MTFR1: variants seen among roughly 807,000 people sequenced by gnomAD.
MTFR1 encodes the protein chondrocyte protein with a poly-proline region.
MTFR1 carries 28 observed loss-of-function variants against 38.8 expected under a neutral mutation model. The observed-to-expected ratio is 0.72, with a 90% CI of 0.53 to 0.99. The LOEUF is 0.99. Ranked by LOEUF, MTFR1 falls within the 50% of genes least tolerant of loss-of-function variation. The probability of loss-of-function intolerance (pLI) is 0.00; values close to 1 mark genes in which losing one functional copy is unlikely to be tolerated. For synonymous variants in MTFR1, 145 were observed against 137.0 expected, an observed-to-expected ratio of 1.06 and a Z score of -0.41; for missense variants, 358 against 395.5, an observed-to-expected ratio of 0.91 and a Z score of 0.81.
rs1253277326 is a variant in MTFR1, at chr8:65,707,985, T to A, written c.907T>A (p.Ser303Thr). Residue 303 changes from serine to threonine, a missense_variant, in exon 7 of 8, where the codon TCA becomes ACA. Coordinates refer to ENST00000262146, the MANE Select transcript of MTFR1 (RefSeq NM_014637.4). ...EVEKGIPKSESEATSERVLFG... is the reference protein window; with the variant it reads ...EVEKGIPKSETEATSERVLFG... The stretch of plus-strand genomic sequence containing the variant: ...TGAAAAAGGAATTCCAAAGTCTGAA[T>A]CAGAGGCCACCTCAGAGAGAGTGTT... 1 of 1,613,122 alleles carries A rather than the reference T, an allele frequency of 6.2e-7. No individual in the cohort carries two copies. Among genetic ancestry groups the A allele is most frequent in the Admixed American group, 1.7e-5 (1 of 60,024 alleles).
downstream of MTFR1, among the ~76,000 whole-genome samples, chr8:65,713,658 T>C (rs1806022527): frequency 6.6e-6 from 1 of 152,136 alleles, no homozygotes; most frequent in African/African-American, 2.4e-5. Context: ...AGAATCAAAT[T>C]TGAAGGCTAA....
At chr8:65,774,019 A>G (rs1484317994), downstream of MTFR1, among the ~76,000 whole-genome samples, 3 of 152,156 alleles carry the variant, frequency 2.0e-5, no homozygotes, top group Non-Finnish European at 2.9e-5. Flanking sequence ...ATACCAAAAC[A>G]TACTTTTACT....
chr8:65,692,495 G>A (rs1290486049), intron 3 of MTFR1, among the ~76,000 whole-genome samples: 1 of 151,992 alleles, frequency 6.6e-6, no homozygotes, highest in Non-Finnish European at 1.5e-5. Flanking sequence ...GTGCTACCAC[G>A]CCTGGCTAAT....
downstream of MTFR1, among the ~76,000 whole-genome samples, chr8:65,715,128 T>G (rs556680878): frequency 1.5e-3 from 230 of 152,304 alleles, no homozygotes; most frequent in Middle Eastern, 3.4e-3. Context: ...AAAATAAATT[T>G]TGCATTCTGT....
exon 4 of MTFR1, chr8:65,771,235 A>G (rs1016961250): frequency 6.5e-6 from 1 of 154,530 alleles, no homozygotes; most frequent in Non-Finnish European, 1.4e-5. Flanking sequence ...GCTTATAATA[A>G]ACTGTACATA....
At chr8:65,666,363 G>A (rs1471695302) in intron 1 of MTFR1, among the ~76,000 whole-genome samples, 9 of 152,318 alleles carry the variant, frequency 5.9e-5, no homozygotes, top group Admixed American at 3.3e-4. Context: ...CTGAGATCGC[G>A]CCACTGCAGT....
chr8:65,743,143 G>A (rs1332424217), intron 3 of MTFR1, among the ~76,000 whole-genome samples: 1 of 152,184 alleles, frequency 6.6e-6, no homozygotes, highest in Admixed American at 6.5e-5. Flanking sequence ...TTTATGTAAG[G>A]CTAAACCTTG....
At chr8:65,728,828 A>G (rs754477572) in intron 3 of MTFR1, among the ~76,000 whole-genome samples, 1 of 152,258 alleles carries the variant, frequency 6.6e-6, no homozygotes, top group Non-Finnish European at 1.5e-5. Flanking sequence ...AAATTAATGT[A>G]TGACTGCACA....
chr8:65,729,494 A>G (rs539843271), intron 3 of MTFR1, among the ~76,000 whole-genome samples: 2 of 150,732 alleles, frequency 1.3e-5, no homozygotes, highest in African/African-American at 4.9e-5. Flanking sequence ...CATGGAGGAG[A>G]GCAGTTTAGT....
chr8:65,760,890 T>C lies in MTFR1; in HGVS notation c.*49-10057T>C, dbSNP rs527428188. On this transcript the variant is annotated intron_variant, in intron 3 of 3. Coordinates refer to the MTFR1 transcript ENST00000521247. ...AGAGGCCACTACAGAGAGGAAAGGA[T>C]ATCAAGCTGAATAATTAACATCATT... Among the ~76,000 whole-genome samples, 12 of 151,716 alleles carry C rather than the reference T, an allele frequency of 7.9e-5. No homozygotes were observed. The East Asian group carries it at 2.1e-3, about 27-fold the overall frequency.
chr8:65,645,239 G>A (rs1808921739), intron 1 of MTFR1, among the ~76,000 whole-genome samples: 1 of 152,214 alleles, frequency 6.6e-6, no homozygotes. Flanking sequence ...TGCACCGCCA[G>A]CCGGCCTCCG....
chr8:65,662,353 G>T (rs886894792), intron 1 of MTFR1, among the ~76,000 whole-genome samples: 2 of 151,950 alleles, frequency 1.3e-5, no homozygotes, highest in African/African-American at 4.8e-5. Flanking sequence ...GCCAGCCTCG[G>T]CCTCCCGAGG....
rs529211564 is a variant in MTFR1, at chr8:65,760,497, A to G, written c.*49-10450A>G. Among the ~76,000 whole-genome samples, 8 of 152,358 alleles carry G rather than the reference A, an allele frequency of 5.3e-5. No individual in the cohort carries two copies. In the South Asian group the frequency reaches 1.2e-3, roughly 24 times the overall value. On this transcript the variant is annotated intron_variant, in intron 3 of 3. Coordinates refer to the MTFR1 transcript ENST00000521247. ...GAACAAGGAATAGGAGTGCACTTCA[A>G]TAGTGTCTAAAACCCATGCCAAACT...
At chr8:65,649,400 G>C (rs1410154640) in intron 1 of MTFR1, among the ~76,000 whole-genome samples, 1 of 152,050 alleles carries the variant, frequency 6.6e-6, no homozygotes, top group African/African-American at 2.4e-5. Context: ...TGGCCAGGCT[G>C]TCTTGAACTC....
At chr8:65,761,330 C>CT (rs1365147894) in intron 3 of MTFR1, among the ~76,000 whole-genome samples, 5 of 152,196 alleles carry the variant, frequency 3.3e-5, no homozygotes, top group African/African-American at 4.8e-5. Context: ...TCCCAAAGTG[C>CT]TAGGATTACA....
At chr8:65,651,000 T>TG (rs144289596) in intron 1 of MTFR1, among the ~76,000 whole-genome samples, 29,217 of 152,212 alleles carry the variant, frequency 0.19, 2,964 homozygotes, top group Middle Eastern at 0.23. Flanking sequence ...CCATTTTAAC[T>TG]GGGTGAGATG....
chr8:65,658,765 T>G (rs1027369351), intron 1 of MTFR1, among the ~76,000 whole-genome samples: 2 of 152,164 alleles, frequency 1.3e-5, no homozygotes, highest in African/African-American at 4.8e-5. Flanking sequence ...CTCAATAAAT[T>G]GCCACAAAGC....
At chr8:65,740,737 C>A (rs77720062) in intron 3 of MTFR1, among the ~76,000 whole-genome samples, 17,084 of 152,122 alleles carry the variant, frequency 0.11, 2,265 homozygotes, top group African/African-American at 0.32. Context: ...TCCATCCACA[C>A]CTCCTCAGAG....
intron 3 of MTFR1, chr8:65,747,806 G>C: frequency 6.3e-7 from 1 of 1,591,470 alleles, no homozygotes; most frequent in Non-Finnish European, 8.6e-7. Flanking sequence ...AGATTGAGCT[G>C]AAATAAAAAG....
Sources: allele counts gnomAD v4.1 joint callset (sites outside exome capture counted in the v4.1 genomes callset), GRCh38; gene constraint gnomAD v4.1.1; transcripts MANE v1.5; gene names NCBI Gene and HGNC (gene_info 2026-07-23, HGNC 2026-07-21).